The following SLC8A1 variants were observed in gnomAD, a reference collection of about 807,000 sequenced individuals.
SLC8A1 encodes solute carrier family 8 member A1.
A neutral mutation model predicts 68.3 loss-of-function variants in SLC8A1; 18 were observed. That is an observed-to-expected ratio of 0.26 (90% CI 0.18 to 0.39). The LOEUF (loss-of-function observed/expected upper bound fraction) is 0.39. Ranked by LOEUF, SLC8A1 falls within the 10% of genes least tolerant of loss-of-function variation. The pLI is 1.00. For synonymous variants in SLC8A1, 475 were observed against 415.5 expected (o/e 1.14, Z -1.74); for missense variants, 985 against 1,156.7 (o/e 0.85, Z 2.15).
chr2:40,373,318 C>A lies in SLC8A1; in HGVS notation c.1808+55155G>T, dbSNP rs915607016. On this transcript the variant is annotated intron_variant, in intron 2 of 7. Coordinates refer to ENST00000406785, the Ensembl canonical transcript of SLC8A1. ...CTACTTTCCACCCACAGGTCCTCTG[C>A]CAGGGTCAATCTCAGCAGAAACATG... Among the ~76,000 whole-genome samples the A allele has an allele frequency of 2.0e-5, 3 of 152,046 alleles. No homozygotes were observed. In the South Asian group the frequency reaches 6.2e-4, roughly 32 times the overall value.
At chr2:40,210,197 C>T (rs1341484379) in intron 2 of SLC8A1, among the ~76,000 whole-genome samples, 1 of 152,100 alleles carries the variant, frequency 6.6e-6, no homozygotes, top group African/African-American at 2.4e-5. Flanking sequence ...ATTTAAATAT[C>T]ATGTAGCAAG....
At chr2:40,148,241 T>TA (rs1283417466) in intron 6 of SLC8A1, among the ~76,000 whole-genome samples, 1 of 152,184 alleles carries the variant, frequency 6.6e-6, no homozygotes, top group African/African-American at 2.4e-5. Flanking sequence ...GAATTTTATT[T>TA]AAAAAAATGC....
chr2:40,462,798 C>T (rs1227041301), intron 1 of SLC8A1, among the ~76,000 whole-genome samples: 2 of 151,850 alleles, frequency 1.3e-5, no homozygotes, highest in East Asian at 3.9e-4. Context: ...TAGAGTGAGA[C>T]TCAGTCTAAA....
At chr2:40,155,160 C>T (rs893950275) in intron 6 of SLC8A1, among the ~76,000 whole-genome samples, 1 of 151,756 alleles carries the variant, frequency 6.6e-6, no homozygotes, top group African/African-American at 2.4e-5. Context: ...GATGGAGTCT[C>T]GCTCTGTCAC....
At chr2:40,145,902 C>T (rs928571474) in intron 6 of SLC8A1, among the ~76,000 whole-genome samples, 1 of 152,248 alleles carries the variant, frequency 6.6e-6, no homozygotes, top group African/African-American at 2.4e-5. Flanking sequence ...TCTCTTCCCA[C>T]TCTTAATGGC....
intron 2 of SLC8A1, among the ~76,000 whole-genome samples, chr2:40,392,853 A>G (rs1685750653): frequency 6.6e-6 from 1 of 152,090 alleles, no homozygotes; most frequent in Non-Finnish European, 1.5e-5. Context: ...AGTGGGACAG[A>G]TTACACTACT....
chr2:40,113,190 T>C (rs1420905748), exon 8 of SLC8A1: 1 of 152,318 alleles, frequency 6.6e-6, no homozygotes, highest in Non-Finnish European at 1.5e-5. Flanking sequence ...CAAATGTTTA[T>C]TAAATGAGGA....
intron 2 of SLC8A1, among the ~76,000 whole-genome samples, chr2:40,245,426 G>C (rs1425328600): frequency 1.3e-5 from 2 of 152,170 alleles, no homozygotes; most frequent in Non-Finnish European, 2.9e-5. Context: ...GAAGAATAAG[G>C]TGCAAATCTA....
chr2:40,341,198 A>C (rs1667582840), intron 2 of SLC8A1, among the ~76,000 whole-genome samples: 1 of 152,162 alleles, frequency 6.6e-6, no homozygotes, highest in Non-Finnish European at 1.5e-5. Context: ...GGAGTGTGAG[A>C]CTGAAAATTA....
chr2:40,104,997 G>A (rs2034108564), exon 8 of SLC8A1: 1 of 152,062 alleles, frequency 6.6e-6, no homozygotes, highest in South Asian at 2.1e-4. Flanking sequence ...CAATCAGAAT[G>A]GTGTGTGCTT....
In SLC8A1 at chr2:40,433,049, T is replaced by C. The variant is rs2149797667; in HGVS notation, c.-24-2745A>G. ...CTGAAGGGAGATTCAAACCTGTGTC[T>C]GTCTCCAAGACTGATATAACTAACC... is the stretch of plus-strand genomic sequence containing the variant. On this transcript the variant is annotated intron_variant, in intron 1 of 7. Coordinates refer to ENST00000406785, the Ensembl canonical transcript of SLC8A1. Among the ~76,000 whole-genome samples, 2 of 152,294 alleles carry C rather than the reference T, an allele frequency of 1.3e-5. 1 individual carries two copies. Among genetic ancestry groups the C allele is most frequent in the South Asian group, 4.1e-4 (2 of 4,830 alleles).
At chr2:40,323,361 C>G (rs1273656853) in intron 2 of SLC8A1, among the ~76,000 whole-genome samples, 1 of 152,088 alleles carries the variant, frequency 6.6e-6, no homozygotes, top group Admixed American at 6.6e-5. Context: ...GCTCACAGGT[C>G]TTGCAAATAG....
intron 2 of SLC8A1, among the ~76,000 whole-genome samples, chr2:40,252,575 C>T (rs2062935987): frequency 6.6e-6 from 1 of 152,084 alleles, no homozygotes; most frequent in Admixed American, 6.6e-5. Flanking sequence ...CTCAAGTGAT[C>T]CACCTGCCTT....
intron 2 of SLC8A1, among the ~76,000 whole-genome samples, chr2:40,291,385 TCA>T (rs2069288346): frequency 6.6e-6 from 1 of 152,082 alleles, no homozygotes. Context: ...AAAAAGTAAA[TCA>T]ATGCTTTGCA....
intron 2 of SLC8A1, among the ~76,000 whole-genome samples, chr2:40,395,078 G>A (rs1686490507): frequency 1.3e-5 from 2 of 152,144 alleles, no homozygotes. Flanking sequence ...AGAAAACAGG[G>A]ACTAACTAGA....
At chr2:40,098,057 A>C (rs1404876149) in exon 8 of SLC8A1, 2 of 152,024 alleles carry the variant, frequency 1.3e-5, no homozygotes, top group Non-Finnish European at 2.9e-5. Flanking sequence ...TTAAGATTTT[A>C]AAAATACATT....
intron 2 of SLC8A1, among the ~76,000 whole-genome samples, chr2:40,374,671 C>T (rs1011743731): frequency 6.6e-6 from 1 of 151,848 alleles, no homozygotes; most frequent in African/African-American, 2.4e-5. Context: ...AGAATAAGAA[C>T]AATAACTTTC....
At chr2:40,238,492 G>A (rs943738091) in intron 2 of SLC8A1, among the ~76,000 whole-genome samples, 1 of 152,020 alleles carries the variant, frequency 6.6e-6, no homozygotes, top group South Asian at 2.1e-4. Context: ...CCACTGACCT[G>A]TGCCCACTGT....
chr2:40,465,991 A>G (rs1233119938), intron 1 of SLC8A1, among the ~76,000 whole-genome samples: 3 of 152,094 alleles, frequency 2.0e-5, no homozygotes, highest in African/African-American at 7.2e-5. Flanking sequence ...GGCTTCTGCT[A>G]TGTGAGGACA....
Sources: allele counts gnomAD v4.1 joint callset (sites outside exome capture counted in the v4.1 genomes callset), GRCh38; gene constraint gnomAD v4.1.1; transcripts MANE v1.5; gene names NCBI Gene and HGNC (gene_info 2026-07-23, HGNC 2026-07-21).